Variants in CSMD3 observed in about 807,000 individuals in gnomAD.
CSMD3 encodes CUB and Sushi multiple domains 3, also known as CUB and sushi domain-containing protein 3.
A neutral mutation model predicts 435.2 loss-of-function variants in CSMD3; 177 were observed. The observed-to-expected ratio is 0.41, with a 90% CI of 0.36 to 0.46. The LOEUF (loss-of-function observed/expected upper bound fraction) is 0.46. CSMD3 is among the 20% of genes least tolerant of loss of function. The pLI is 0.34. For missense variants in CSMD3, 4,265 were observed against 4,504.6 expected (o/e 0.95, Z 1.52); for synonymous variants, 1,656 against 1,520.5 (o/e 1.09, Z -2.07).
At chr8:113,204,733 A>G (rs2092752460) in intron 3 of CSMD3, among the ~76,000 whole-genome samples, 1 of 152,146 alleles carries the variant, frequency 6.6e-6, no homozygotes, top group Non-Finnish European at 1.5e-5. Context: ...GTTTAGATGT[A>G]CATGTACTTA....
intron 10 of CSMD3, among the ~76,000 whole-genome samples, chr8:112,877,530 A>G (rs2081321110): frequency 1.3e-5 from 2 of 152,094 alleles, no homozygotes; most frequent in African/African-American, 4.8e-5. Flanking sequence ...AGCCTCCCAA[A>G]GTGCTGGGAT....
At chr8:113,094,062 T>C (rs988055964) in intron 5 of CSMD3, among the ~76,000 whole-genome samples, 1 of 152,114 alleles carries the variant, frequency 6.6e-6, no homozygotes, top group African/African-American at 2.4e-5. Flanking sequence ...GCAACCTACA[T>C]CTTACCAATT....
chr8:112,502,646 A>G (rs180969479), intron 30 of CSMD3, among the ~76,000 whole-genome samples: 2 of 150,916 alleles, frequency 1.3e-5, no homozygotes, highest in African/African-American at 4.9e-5. Flanking sequence ...ATGCAAAAGG[A>G]GTTTCCATTG....
At chr8:112,331,758 A>G (rs1296050749) in intron 45 of CSMD3, among the ~76,000 whole-genome samples, 1 of 152,056 alleles carries the variant, frequency 6.6e-6, no homozygotes, top group Non-Finnish European at 1.5e-5. Flanking sequence ...CTAAGAGGAT[A>G]TAAAGAAAAC....
intron 13 of CSMD3, among the ~76,000 whole-genome samples, chr8:112,790,188 C>A (rs567090759): frequency 2.0e-5 from 3 of 151,818 alleles, no homozygotes; most frequent in African/African-American, 2.4e-5. Context: ...TACATAAAAA[C>A]GACTCTTGCC....
chr8:112,686,806 A>C (rs962125303), intron 14 of CSMD3, among the ~76,000 whole-genome samples: 2 of 151,996 alleles, frequency 1.3e-5, no homozygotes, highest in Admixed American at 6.6e-5. Flanking sequence ...TATTTTTTAA[A>C]AAATTGAATT....
chr8:112,255,239 TTTAA>T lies in CSMD3; in HGVS notation c.10036+11_10036+14del, dbSNP rs1200843631. The T allele has an allele frequency of 6.2e-7, 1 of 1,604,446 alleles. No homozygotes were observed. The highest frequency in any genetic ancestry group is 1.7e-5 in the Admixed American group (1 of 59,946). On this transcript the variant is annotated intron_variant, in intron 62 of 70. Coordinates refer to ENST00000297405, the MANE Select transcript of CSMD3 (RefSeq NM_198123.2). ...ACACAGTTACTGTGCATAATCAGCC[TTTAA>T]TTAATATTACCTATGCAGTGAGGTG...
chr8:112,832,836 A>G (rs1173799696), intron 11 of CSMD3, among the ~76,000 whole-genome samples: 5 of 152,180 alleles, frequency 3.3e-5, no homozygotes, highest in African/African-American at 7.2e-5. Flanking sequence ...TTACACAGCA[A>G]TATAAATTAG....
At chr8:112,291,081 T>C (rs1239362604) in intron 56 of CSMD3, among the ~76,000 whole-genome samples, 1 of 152,122 alleles carries the variant, frequency 6.6e-6, no homozygotes, top group East Asian at 1.9e-4. Flanking sequence ...ATATGACAAA[T>C]ATTTAAGGTC....
chr8:112,392,871 T>C (rs951381410), intron 35 of CSMD3, among the ~76,000 whole-genome samples: 34 of 141,428 alleles, frequency 2.4e-4, no homozygotes, highest in Non-Finnish European at 3.7e-4. Flanking sequence ...TTTCTTTTTT[T>C]TTTTTTTTTT....
chr8:112,254,748 AT>A (rs1815622675), intron 62 of CSMD3, among the ~76,000 whole-genome samples: 1 of 152,064 alleles, frequency 6.6e-6, no homozygotes, highest in South Asian at 2.1e-4. Context: ...GATAATTTGG[AT>A]TTTACTGACA....
chr8:112,766,309 T>G (rs1481834382), intron 13 of CSMD3, among the ~76,000 whole-genome samples: 5 of 151,678 alleles, frequency 3.3e-5, no homozygotes, highest in African/African-American at 1.2e-4. Context: ...TATATTTTTT[T>G]TTTTGGTCAG....
intron 3 of CSMD3, among the ~76,000 whole-genome samples, chr8:113,203,141 C>T (rs1319906805): frequency 6.6e-5 from 10 of 151,786 alleles, no homozygotes; most frequent in African/African-American, 1.5e-4. Context: ...TCTCATCCCC[C>T]GAAAATGATA....
At chr8:113,355,254 T>C (rs1361439864) in intron 1 of CSMD3, among the ~76,000 whole-genome samples, 1 of 152,120 alleles carries the variant, frequency 6.6e-6, no homozygotes, top group Non-Finnish European at 1.5e-5. Context: ...GGTGTGTATG[T>C]GTGTGTACAT....
At chr8:112,569,344 T>A (rs1024311131) in intron 24 of CSMD3, among the ~76,000 whole-genome samples, 7 of 152,124 alleles carry the variant, frequency 4.6e-5, no homozygotes, top group Admixed American at 3.3e-4. Context: ...ACTTTCTCAC[T>A]CTTCACTTTT....
At chr8:112,859,295 G>A (rs2129862600) in intron 10 of CSMD3, 29 bp from the exon 11 acceptor site, 1 of 1,591,742 alleles carries the variant, frequency 6.3e-7, no homozygotes, top group Non-Finnish European at 8.6e-7. Flanking sequence ...TTTAAAAGAT[G>A]AACATATGTC....
rs1438492150 is a variant in CSMD3 at position 112,779,197 on chromosome 8, G to A, written c.1972+20965C>T. On this transcript the variant is annotated intron_variant, in intron 13 of 70. Transcript: ENST00000297405. ...TGTGTGTTTGCGTGTGTGTGTGTGTGTATATGTATTTAACATTGACCTCAG... is the reference window on the plus strand; with the variant it reads ...TGTGTGTTTGCGTGTGTGTGTGTGTATATATGTATTTAACATTGACCTCAG... 6.6e-5 allele frequency among the ~76,000 whole-genome samples: 10 copies of A among 151,546 alleles called. No homozygotes were observed. In the East Asian group the frequency reaches 1.2e-3, roughly 18 times the overall value.
chr8:112,593,117 C>A (rs1248176202), intron 22 of CSMD3, among the ~76,000 whole-genome samples: 2 of 152,108 alleles, frequency 1.3e-5, no homozygotes, highest in South Asian at 2.1e-4. Flanking sequence ...ATAGGTAAAC[C>A]AAATTGATAC....
chr8:112,945,590 G>A (rs1344948474), intron 9 of CSMD3, among the ~76,000 whole-genome samples: 2 of 93,808 alleles, frequency 2.1e-5, no homozygotes, highest in South Asian at 2.9e-4. Context: ...ACAGAAATAT[G>A]TGTGTGTGTG....
Sources: allele counts gnomAD v4.1 joint callset (sites outside exome capture counted in the v4.1 genomes callset), GRCh38; gene constraint gnomAD v4.1.1; transcripts MANE v1.5; gene names NCBI Gene and HGNC (gene_info 2026-07-23, HGNC 2026-07-21).